NTRK2: variants seen among roughly 807,000 people sequenced by gnomAD.
NTRK2 encodes BDNF/NT-3 growth factors receptor.
In NTRK2, 13 loss-of-function variants were observed where a neutral mutation model predicts 94.5. That is an observed-to-expected ratio of 0.14 (90% CI 0.09 to 0.22). The LOEUF (loss-of-function observed/expected upper bound fraction) is 0.22. NTRK2 is among the 10% of genes least tolerant of loss of function. NTRK2 has a pLI of 1.00. For missense variants in NTRK2, 639 were observed against 1,071.2 expected, an observed-to-expected ratio of 0.60 and a Z score of 5.63; for synonymous variants, 372 against 407.4, an observed-to-expected ratio of 0.91 and a Z score of 1.05.
chr9:84,698,268 G>A (rs1262593947), intron 2 of NTRK2, among the ~76,000 whole-genome samples: 1 of 151,912 alleles, frequency 6.6e-6, no homozygotes, highest in Non-Finnish European at 1.5e-5. Context: ...ATTTTTAAAA[G>A]TTCACACAGA....
Position 85,021,200 on chromosome 9 carries a change from C to T in NTRK2, c.2332-52C>T, listed in dbSNP as rs1381742275. On this transcript the variant is annotated intron_variant, in intron 18 of 18. Transcript: ENST00000277120. ...CTGTTTTTTTGCACTGACATTTCTT[C>T]GATGTGCATTGCTTTTCCTCCTGTC... The T allele has an allele frequency of 1.3e-5, 19 of 1,518,956 alleles. No individual in the cohort carries two copies. In the East Asian group the frequency reaches 1.6e-4, roughly 13 times the overall value. The allele number at this position is 1,518,956 out of a possible 1,614,324, so 94.1% of individuals were successfully genotyped here.
At chr9:84,876,626 C>A (rs1408761146) in intron 14 of NTRK2, 2 of 1,058,578 alleles carry the variant, frequency 1.9e-6, no homozygotes, top group African/African-American at 1.6e-5. Flanking sequence ...ACATCAATAT[C>A]TTTACCCACA....
chr9:84,851,653 A>G (rs762015460), intron 12 of NTRK2, among the ~76,000 whole-genome samples: 2 of 152,172 alleles, frequency 1.3e-5, no homozygotes, highest in Non-Finnish European at 2.9e-5. Context: ...AAAGAAAGAC[A>G]AAGGTGCTGA....
intron 2 of NTRK2, among the ~76,000 whole-genome samples, chr9:84,697,055 A>G (rs1023266285): frequency 6.6e-6 from 1 of 152,174 alleles, no homozygotes; most frequent in Non-Finnish European, 1.5e-5. Context: ...ATAAAGGTTG[A>G]GGGCCAGGGA....
In NTRK2 at chr9:85,022,210, A is replaced by G. The variant is rs1003639741; in HGVS notation, c.*773A>G. The G allele has an allele frequency of 8.6e-6, 2 of 233,198 alleles. No homozygotes were observed. The highest frequency in any genetic ancestry group is 2.2e-5 in the African/African-American group (1 of 45,330). The allele number at this position is 233,198 out of a possible 1,614,324, so 14.4% of individuals were successfully genotyped here. Reference sequence around the variant, plus strand: ...GTTAGCTGGGAAGAATGTATTCGGCACCTTCCCCTGAGGACCTTTCTGAGG... The same window carrying G: ...GTTAGCTGGGAAGAATGTATTCGGCGCCTTCCCCTGAGGACCTTTCTGAGG... On this transcript the variant is annotated 3_prime_UTR_variant, in exon 19 of 19. Coordinates refer to ENST00000277120, the MANE Select transcript of NTRK2 (RefSeq NM_006180.6).
chr9:84,694,208 T>C (rs1386480657), intron 2 of NTRK2, among the ~76,000 whole-genome samples: 1 of 152,168 alleles, frequency 6.6e-6, no homozygotes, highest in Non-Finnish European at 1.5e-5. Context: ...GGGGAAGTGA[T>C]CTGGCATGGC....
At position 84,886,425 on chromosome 9, in the gene NTRK2, C is replaced by A. The variant is rs1045680421; in HGVS notation, c.1633+18994C>A. Among the ~76,000 whole-genome samples the A allele has an allele frequency of 4.6e-5, 7 of 152,198 alleles. No individual in the cohort carries two copies. The South Asian group carries it at 8.3e-4, about 18-fold the overall frequency. Reference sequence around the variant, plus strand: ...TTGATGGTTTGGAGAAATGTAATTGCCACCCAGGCACTGCCTAGGCTTGGG... The same window carrying A: ...TTGATGGTTTGGAGAAATGTAATTGACACCCAGGCACTGCCTAGGCTTGGG... On this transcript the variant is annotated intron_variant, in intron 14 of 18. Coordinates refer to ENST00000277120, the MANE Select transcript of NTRK2 (RefSeq NM_006180.6).
rs112715834 is a variant in NTRK2 at position 84,702,099 on chromosome 9, C to T, written c.213-60C>T. 4.7e-6 allele frequency: 7 copies of T among 1,497,656 alleles called. No homozygotes were observed. In the African/African-American group the frequency reaches 8.3e-5, roughly 18 times the overall value. 92.8% of individuals were successfully genotyped at this position (1,497,656 alleles called of 1,614,324 possible). On this transcript the variant is annotated intron_variant, in intron 2 of 18. Coordinates refer to ENST00000277120, the MANE Select transcript of NTRK2 (RefSeq NM_006180.6). Reference sequence around the variant, plus strand: ...CACCTGGGTGAGGTGGATGGGAGTTCTTCATGGTGCTGCTGCCTACATTCT... The same window carrying T: ...CACCTGGGTGAGGTGGATGGGAGTTTTTCATGGTGCTGCTGCCTACATTCT...
chr9:84,785,953 C>G (rs914342510), intron 12 of NTRK2, among the ~76,000 whole-genome samples: 3 of 152,140 alleles, frequency 2.0e-5, no homozygotes, highest in Admixed American at 6.5e-5. Context: ...CAGAGCCTCT[C>G]CCCAGGCAGT....
intron 15 of NTRK2, among the ~76,000 whole-genome samples, chr9:84,939,334 T>TA (rs1181598088): frequency 3.3e-5 from 5 of 152,166 alleles, no homozygotes; most frequent in Non-Finnish European, 5.9e-5. Context: ...ACAAATGACC[T>TA]ATCTAAGGTC....
chr9:84,685,574 C>T (rs1048405697), intron 2 of NTRK2, among the ~76,000 whole-genome samples: 6 of 152,060 alleles, frequency 3.9e-5, no homozygotes, highest in African/African-American at 7.2e-5. Context: ...TTGAAAGCCC[C>T]GTGTCCTCAA....
intron 13 of NTRK2, among the ~76,000 whole-genome samples, chr9:84,865,705 C>T (rs922227517): frequency 6.6e-6 from 1 of 152,220 alleles, no homozygotes; most frequent in East Asian, 1.9e-4. Flanking sequence ...TGGCATTTGC[C>T]TTGGCTGGGC....
At chr9:85,020,482 T>G in intron 18 of NTRK2, 118 bp downstream of exon 18, 1 of 1,043,014 alleles carries the variant, frequency 9.6e-7, no homozygotes, top group Non-Finnish European at 1.5e-6. Context: ...TGGGCTTTGT[T>G]GGTGGCAGCA....
In NTRK2 at chr9:85,026,435, C is replaced by G. The variant is rs1016987003; in HGVS notation, c.*4998C>G. The stretch of plus-strand genomic sequence containing the variant: ...ATGTGTTTGAACAGGAAAAATATTA[C>G]AGAAAATGAAATGTAAAGGCCTATA... On this transcript the variant is annotated 3_prime_UTR_variant, in exon 19 of 19. Coordinates refer to ENST00000277120, the MANE Select transcript of NTRK2 (RefSeq NM_006180.6). 4.3e-6 allele frequency: 1 copy of G among 231,928 alleles called. No homozygotes were observed. The highest frequency in any genetic ancestry group is 2.2e-5 in the African/African-American group (1 of 45,354). The allele number at this position is 231,928 out of a possible 1,614,324, so 14.4% of individuals were successfully genotyped here. A position where few individuals can be genotyped will look rare whatever the true frequency, so the allele number is the denominator to read the frequency against.
intron 2 of NTRK2, among the ~76,000 whole-genome samples, chr9:84,674,308 A>G (rs1413169907): frequency 6.6e-6 from 1 of 152,070 alleles, no homozygotes; most frequent in Admixed American, 6.5e-5. Context: ...ACAGCCTTAT[A>G]TTTTTCCTCT....
intron 17 of NTRK2, among the ~76,000 whole-genome samples, chr9:84,989,324 G>A (rs1244281767): frequency 6.6e-6 from 1 of 151,886 alleles, no homozygotes; most frequent in Non-Finnish European, 1.5e-5. Flanking sequence ...AAAATCATCC[G>A]TTCTTCATTT....
At chr9:84,861,180 C>A in intron 13 of NTRK2, 93 bp downstream of exon 13, 1 of 975,838 alleles carries the variant, frequency 1.0e-6, no homozygotes, top group Non-Finnish European at 1.6e-6. Flanking sequence ...ATTCCACGGT[C>A]TTTGATTCAT....
intron 17 of NTRK2, among the ~76,000 whole-genome samples, chr9:85,005,152 A>G (rs1830816943): frequency 6.6e-6 from 1 of 152,208 alleles, no homozygotes; most frequent in Admixed American, 6.5e-5. Flanking sequence ...GGTTATTGAT[A>G]CAGTGCAATT....
intron 12 of NTRK2, chr9:84,813,062 C>A: frequency 9.6e-7 from 1 of 1,038,328 alleles, no homozygotes. Context: ...AAGAAATGTG[C>A]TTTTTAGAGC....
Sources: gnomAD v4.1 joint callset for allele counts (sites outside exome capture counted in the v4.1 genomes callset) on GRCh38, gnomAD v4.1.1 for gene constraint, MANE v1.5 for transcripts, NCBI Gene and HGNC (gene_info 2026-07-23, HGNC 2026-07-21) for gene names.